Variants in VPS37C observed in about 807,000 individuals in gnomAD.
The protein encoded by VPS37C is VPS37C subunit of ESCRT-I, also known as vacuolar protein sorting-associated protein 37C.
In VPS37C, 9 loss-of-function variants were observed where a neutral mutation model predicts 16.1. The ratio of observed to expected loss-of-function variants is 0.56; its 90% CI spans 0.34 to 0.97. The LOEUF (loss-of-function observed/expected upper bound fraction) is 0.97, where lower values mean the gene tolerates loss of function less well. Ranked by LOEUF, VPS37C falls within the 50% of genes least tolerant of loss-of-function variation. The probability of loss-of-function intolerance (pLI) is 0.02; values close to 1 mark genes in which losing one functional copy is unlikely to be tolerated. For synonymous variants in VPS37C, 207 were observed against 206.4 expected (o/e 1.00, Z -0.02); for missense variants, 479 against 472.7 (o/e 1.01, Z -0.12).
At chr11:61,150,790 C>T (rs1853286670) in intron 1 of VPS37C, among the ~76,000 whole-genome samples, 1 of 152,046 alleles carries the variant, frequency 6.6e-6, no homozygotes, top group Non-Finnish European at 1.5e-5. Flanking sequence ...GCTGTGATGT[C>T]TTGCCAGCAG....
At chr11:61,151,639 T>A (rs1441613317) in intron 1 of VPS37C, among the ~76,000 whole-genome samples, 1 of 152,216 alleles carries the variant, frequency 6.6e-6, no homozygotes. Flanking sequence ...TTTCTATCAC[T>A]GTGGCTGAGG....
At chr11:61,134,876 C>T (rs1328376688) in intron 2 of VPS37C, among the ~76,000 whole-genome samples, 1 of 152,240 alleles carries the variant, frequency 6.6e-6, no homozygotes, top group African/African-American at 2.4e-5. Flanking sequence ...ACCCCTCTGC[C>T]AGGCTCTTCG....
Position 61,131,836 on chromosome 11 carries a change from G to T in VPS37C, c.1052C>A (p.Ala351Asp). ...GGAGTGTGTCTAATACCCAGGCCAG[G>T]CAGGCCCCGGCGGTGGTGGGAACCC... ...PYGFPPPPGP[A>D]WPGY Residue 351 changes from alanine to aspartate, a missense_variant, in exon 5 of 5, where the codon GCC becomes GAC. Ala to Asp is a moderately radical substitution (Grantham distance 126, BLOSUM62 -2). Transcript: ENST00000301765. 1 of 1,259,932 alleles carries T rather than the reference G, an allele frequency of 7.9e-7. No individual in the cohort carries two copies. Among genetic ancestry groups the T allele is most frequent in the Non-Finnish European group, 1.0e-6 (1 of 997,462 alleles). The allele number at this position is 1,259,932 out of a possible 1,614,324, so 78.0% of individuals were successfully genotyped here. A position where few individuals can be genotyped will look rare whatever the true frequency, so the allele number is the denominator to read the frequency against.
chr11:61,137,694 G>A (rs1861403871), intron 2 of VPS37C, among the ~76,000 whole-genome samples: 1 of 152,176 alleles, frequency 6.6e-6, no homozygotes, highest in Non-Finnish European at 1.5e-5. Context: ...CCACGTCCTT[G>A]CTGAGGACTA....
chr11:61,133,894 A>T, intron 3 of VPS37C, 142 bp downstream of exon 3: 1 of 979,050 alleles, frequency 1.0e-6, no homozygotes, highest in Non-Finnish European at 1.4e-6. Flanking sequence ...TCTTACCTAT[A>T]AAATGGAGTA....
At chr11:61,142,384 G>A (rs566755737) in intron 1 of VPS37C, among the ~76,000 whole-genome samples, 5 of 131,612 alleles carry the variant, frequency 3.8e-5, no homozygotes, top group African/African-American at 8.1e-5. Flanking sequence ...GGCATGTGCC[G>A]CCACACCCAG....
At chr11:61,134,341 C>T in intron 2 of VPS37C, 134 bp from the exon 3 acceptor site, 1 of 955,634 alleles carries the variant, frequency 1.0e-6, no homozygotes, top group Non-Finnish European at 1.5e-6. Flanking sequence ...AATACTCAGC[C>T]CTCAACTAGT....
chr11:61,135,403 A>C (rs1327049641), intron 2 of VPS37C, among the ~76,000 whole-genome samples: 1 of 152,206 alleles, frequency 6.6e-6, no homozygotes, highest in East Asian at 1.9e-4. Context: ...GGGTTCAGGG[A>C]TGTAGGGCCC....
In VPS37C at chr11:61,132,373, G is replaced by A; in HGVS notation, c.515C>T (p.Pro172Leu). The A allele has an allele frequency of 6.2e-7, 1 of 1,601,596 alleles. No individual in the cohort carries two copies. Among genetic ancestry groups the A allele is most frequent in the Non-Finnish European group, 8.5e-7 (1 of 1,173,974 alleles). ...GCGCACCGGGGGTGGTGGACGGGGT[G>A]GAGGGGCATCGCCGGCCAGCTCCTG... ...ASQELAGDAP[P>L]PRPPPPVRPV... Residue 172 changes from proline to leucine, a missense_variant, in exon 5 of 5, where the codon CCA becomes CTA. By Grantham distance (98) the Pro-to-Leu change is moderately conservative. Transcript: ENST00000301765.
chr11:61,138,498 C>T (rs916864566), intron 2 of VPS37C: 2 of 518,596 alleles, frequency 3.9e-6, no homozygotes, highest in African/African-American at 1.9e-5. Context: ...GTGGGGACTC[C>T]TGGGGTATCT....
chr11:61,132,464 G>A lies in VPS37C; in HGVS notation c.424C>T (p.Leu142=). The A allele has an allele frequency of 1.9e-6, 3 of 1,612,826 alleles. No individual in the cohort carries two copies. Among genetic ancestry groups the A allele is most frequent in the Non-Finnish European group, 2.5e-6 (3 of 1,179,592 alleles). Residue 142 remains leucine (L), a synonymous_variant, in exon 5 of 5, where the codon CTG becomes TTG. Coordinates refer to ENST00000301765, the MANE Select transcript of VPS37C (RefSeq NM_017966.5). The part of the protein sequence containing the change: ...FLENFSSMRM[L]SHLRRVRVEK... ...ACGCGAACCCGGCGCAGGTGGGACA[G>A]CATCCTCATGGAGGAAAAATTCTCC... is the stretch of plus-strand genomic sequence containing the variant.
chr11:61,139,863 C>A (rs1324374348), intron 1 of VPS37C, among the ~76,000 whole-genome samples: 1 of 151,646 alleles, frequency 6.6e-6, no homozygotes, highest in East Asian at 1.9e-4. Flanking sequence ...CCCACCTCAA[C>A]CTCCCGATAG....
At chr11:61,139,990 G>C (rs1861447736) in intron 1 of VPS37C, among the ~76,000 whole-genome samples, 1 of 152,080 alleles carries the variant, frequency 6.6e-6, no homozygotes, top group Non-Finnish European at 1.5e-5. Context: ...CAATTCTCCT[G>C]CCTTGGCCTC....
chr11:61,131,956 T>A lies in VPS37C; in HGVS notation c.932A>T (p.Tyr311Phe). Residue 311 changes from tyrosine to phenylalanine, a missense_variant, in exon 5 of 5, where the codon TAC (tyrosine) becomes TTC (phenylalanine). By Grantham distance (22) the Tyr-to-Phe change is conservative. Transcript: ENST00000301765. ...GCTGGGGAGCTGAGGCTGTATTGGGTAGGGAGGTTTTCCTCCTGTTGCGGG... is the reference window on the plus strand; with the variant it reads ...GCTGGGGAGCTGAGGCTGTATTGGGAAGGGAGGTTTTCCTCCTGTTGCGGG... ...PYPATGGKPP[Y>F]PIQPQLPSFP... is the part of the protein sequence containing the mutation. 1 of 1,313,200 alleles carries A rather than the reference T, an allele frequency of 7.6e-7. No homozygotes were observed. The highest frequency in any genetic ancestry group is 2.5e-5 in the South Asian group (1 of 39,616). The allele number at this position is 1,313,200 out of a possible 1,614,324, so 81.3% of individuals were successfully genotyped here.
intron 1 of VPS37C, among the ~76,000 whole-genome samples, chr11:61,141,335 T>C (rs1372790800): frequency 1.3e-5 from 2 of 149,194 alleles, no homozygotes; most frequent in Non-Finnish European, 3.0e-5. Flanking sequence ...GCCACTGCAC[T>C]CCAGCCTGGG....
Position 61,150,811 on chromosome 11 carries a change from G to T in VPS37C, c.-7+10580C>A, listed in dbSNP as rs572620781. ...ATGTCTTGCCAGCAGCGTAGAGTGT[G>T]GGGAGTCATCAAACCAGGCCTTACC... On this transcript the variant is annotated intron_variant, in intron 1 of 4. Transcript: ENST00000301765. Among the ~76,000 whole-genome samples the T allele has an allele frequency of 3.3e-5, 5 of 152,160 alleles. No individual in the cohort carries two copies. In the East Asian group the frequency reaches 9.7e-4, roughly 29 times the overall value.
At chr11:61,155,359 C>A (rs886406487) in intron 1 of VPS37C, among the ~76,000 whole-genome samples, 1 of 151,494 alleles carries the variant, frequency 6.6e-6, no homozygotes, top group African/African-American at 2.4e-5. Context: ...ACTACCCAGG[C>A]ATGGTGATAC....
At chr11:61,154,205 T>C (rs1344437130) in intron 1 of VPS37C, among the ~76,000 whole-genome samples, 1 of 151,862 alleles carries the variant, frequency 6.6e-6, no homozygotes, top group African/African-American at 2.4e-5. Flanking sequence ...TTACCAGACA[T>C]ACAAAGAATC....
At position 61,132,460 on chromosome 11, in the gene VPS37C, G is replaced by C. The variant is rs117231827; in HGVS notation, c.428C>G (p.Ser143Cys). 3 of 1,613,022 alleles carry C rather than the reference G, an allele frequency of 1.9e-6. No homozygotes were observed. Among genetic ancestry groups the C allele is most frequent in the South Asian group, 2.2e-5 (2 of 91,056 alleles). The change falls in exon 5 of 5, where the codon TCC becomes TGC. Residue 143 changes from serine to cysteine, a missense_variant. Physicochemically the swap from Ser to Cys is moderately radical, Grantham distance 112 (BLOSUM62 -1). Coordinates refer to ENST00000301765, the MANE Select transcript of VPS37C (RefSeq NM_017966.5). Reference protein sequence around the residue: ...LENFSSMRMLSHLRRVRVEKL... With the variant: ...LENFSSMRMLCHLRRVRVEKL... ...TTCCACGCGAACCCGGCGCAGGTGG[G>C]ACAGCATCCTCATGGAGGAAAAATT...
Sources: gnomAD v4.1 joint callset for allele counts (sites outside exome capture counted in the v4.1 genomes callset) on GRCh38, gnomAD v4.1.1 for gene constraint, MANE v1.5 for transcripts, NCBI Gene and HGNC (gene_info 2026-07-23, HGNC 2026-07-21) for gene names.